The following ROBO2 variants were observed in gnomAD, a reference collection of about 807,000 sequenced individuals.
ROBO2 encodes the protein roundabout guidance receptor 2.
A neutral mutation model predicts 160.8 loss-of-function variants in ROBO2; 53 were observed. The ratio of observed to expected loss-of-function variants is 0.33; its 90% confidence interval spans 0.26 to 0.41. The LOEUF (loss-of-function observed/expected upper bound fraction) is 0.41, where lower values mean the gene tolerates loss of function less well. Among genes scored for constraint, ROBO2 ranks in the 10% least tolerant of loss-of-function variants. The pLI is 1.00. For synonymous variants in ROBO2, 664 were observed against 611.7 expected, an observed-to-expected ratio of 1.09 and a Z score of -1.26; for missense variants, 1,577 against 1,722.4, an observed-to-expected ratio of 0.92 and a Z score of 1.49.
At chr3:77,214,558 T>G (rs2084660205) in intron 2 of ROBO2, among the ~76,000 whole-genome samples, 1 of 152,230 alleles carries the variant, frequency 6.6e-6, no homozygotes, top group Non-Finnish European at 1.5e-5. Context: ...GCCTTTTATT[T>G]GGAGCATTTA....
At chr3:76,452,375 C>G (rs1420511146) in intron 2 of ROBO2, among the ~76,000 whole-genome samples, 1 of 152,026 alleles carries the variant, frequency 6.6e-6, no homozygotes, top group Non-Finnish European at 1.5e-5. Context: ...CTTCCTGTGT[C>G]CATGTGTTCT....
chr3:76,966,064 A>C (rs1364448171), intron 2 of ROBO2, among the ~76,000 whole-genome samples: 2 of 151,468 alleles, frequency 1.3e-5, no homozygotes, highest in African/African-American at 4.9e-5. Flanking sequence ...CTGGGACTAC[A>C]GGCATGTGCC....
intron 2 of ROBO2, among the ~76,000 whole-genome samples, chr3:77,031,925 C>T (rs922258519): frequency 1.3e-5 from 2 of 152,040 alleles, no homozygotes; most frequent in African/African-American, 2.4e-5. Flanking sequence ...GATCAAGGCA[C>T]TAGCAGATTC....
intron 2 of ROBO2, among the ~76,000 whole-genome samples, chr3:76,778,398 T>C (rs540450222): frequency 2.6e-5 from 4 of 151,226 alleles, no homozygotes; most frequent in African/African-American, 9.7e-5. Context: ...GATCAGGGCA[T>C]TAAATTCTAA....
chr3:77,192,406 C>A lies in ROBO2; in HGVS notation c.388+94066C>A, dbSNP rs58125953. ...GTTTTTTATACATATTTCTTAGGAC[C>A]AATTCCTATAGAATAAGTATAACTT... On this transcript the variant is annotated intron_variant, in intron 2 of 25. Transcript: ENST00000461745. Among the ~76,000 whole-genome samples the A allele has an allele frequency of 5.7e-3, 870 of 152,170 alleles. 11 individuals are homozygous for A. The highest frequency in any genetic ancestry group is 0.02 in the African/African-American group (843 of 41,540).
At chr3:75,984,595 T>C (rs962604941) in intron 2 of ROBO2, among the ~76,000 whole-genome samples, 5 of 151,444 alleles carry the variant, frequency 3.3e-5, no homozygotes, top group East Asian at 1.9e-4. Context: ...AATAGCCCAA[T>C]AGGATAATAA....
chr3:76,192,756 T>C (rs1176842365), intron 2 of ROBO2, among the ~76,000 whole-genome samples: 1 of 152,120 alleles, frequency 6.6e-6, no homozygotes, highest in Non-Finnish European at 1.5e-5. Context: ...TTCAATCACA[T>C]TTAAGTTTTT....
intron 2 of ROBO2, among the ~76,000 whole-genome samples, chr3:77,230,359 C>T (rs1250660092): frequency 1.3e-5 from 2 of 152,120 alleles, no homozygotes; most frequent in Non-Finnish European, 2.9e-5. Context: ...GCTGGGATTA[C>T]AGACGTGAGC....
chr3:77,416,027 G>A (rs1485206596), intron 2 of ROBO2, among the ~76,000 whole-genome samples: 1 of 152,178 alleles, frequency 6.6e-6, no homozygotes, highest in Non-Finnish European at 1.5e-5. Flanking sequence ...CTGTTTGGTG[G>A]GTTCCGTGTT....
chr3:76,608,327 A>T (rs1339808214), intron 2 of ROBO2, among the ~76,000 whole-genome samples: 1 of 152,108 alleles, frequency 6.6e-6, no homozygotes, highest in Non-Finnish European at 1.5e-5. Flanking sequence ...GAAGAAAGGG[A>T]CTGTGGAGGA....
At chr3:76,037,841 A>C (rs1576588453) in intron 2 of ROBO2, among the ~76,000 whole-genome samples, 1 of 152,196 alleles carries the variant, frequency 6.6e-6, no homozygotes, top group East Asian at 1.9e-4. Flanking sequence ...TTTTTAAAGA[A>C]GTGCCATTTA....
At chr3:77,183,499 C>A (rs1471358725) in intron 2 of ROBO2, among the ~76,000 whole-genome samples, 1 of 151,952 alleles carries the variant, frequency 6.6e-6, no homozygotes, top group African/African-American at 2.4e-5. Flanking sequence ...AGAACACAAA[C>A]ACACACAGTG....
chr3:76,178,088 A>T (rs2073294611), intron 2 of ROBO2, among the ~76,000 whole-genome samples: 1 of 152,166 alleles, frequency 6.6e-6, no homozygotes, highest in African/African-American at 2.4e-5. Context: ...CCCAAAAAGG[A>T]GATTTGAAGC....
intron 2 of ROBO2, among the ~76,000 whole-genome samples, chr3:75,950,664 G>A (rs1948501189): frequency 2.6e-5 from 4 of 151,938 alleles, no homozygotes; most frequent in Admixed American, 2.6e-4. Context: ...ATTGATTCCA[G>A]TTGGGGTTCA....
chr3:76,536,891 G>GA (rs1254173677), intron 2 of ROBO2, among the ~76,000 whole-genome samples: 8 of 152,140 alleles, frequency 5.3e-5, no homozygotes, highest in Non-Finnish European at 7.4e-5. Flanking sequence ...AAAGGTACAT[G>GA]AATCCTTACT....
chr3:77,462,360 G>A (rs573193408), intron 2 of ROBO2, among the ~76,000 whole-genome samples: 1 of 152,196 alleles, frequency 6.6e-6, no homozygotes, highest in East Asian at 1.9e-4. Flanking sequence ...CTTCTCAATA[G>A]CAAAGTTTGT....
chr3:76,787,328 C>CCACA (rs60806662), intron 2 of ROBO2, among the ~76,000 whole-genome samples: 22,177 of 142,068 alleles, frequency 0.16, 1,807 homozygotes, highest in Non-Finnish European at 0.19. Context: ...TGTAAACACA[C>CCACA]CACACACACA....
Position 76,213,859 on chromosome 3 carries a change from C to T in ROBO2, c.109+276257C>T, listed in dbSNP as rs534647498. ...AATAGCAATGTTGGACCCTATGCCACCTGAATTTATCAAGGTGTTCTAGAA... is the reference window on the plus strand; with the variant it reads ...AATAGCAATGTTGGACCCTATGCCATCTGAATTTATCAAGGTGTTCTAGAA... On this transcript the variant is annotated intron_variant, in intron 2 of 26. Coordinates refer to the ROBO2 transcript ENST00000487694. 3.3e-5 allele frequency among the ~76,000 whole-genome samples: 5 copies of T among 151,944 alleles called. No homozygotes were observed. The East Asian group carries it at 9.7e-4, about 29-fold the overall frequency.
At chr3:76,493,033 C>T (rs1229593145) in intron 2 of ROBO2, among the ~76,000 whole-genome samples, 2 of 151,814 alleles carry the variant, frequency 1.3e-5, no homozygotes, top group African/African-American at 2.4e-5. Flanking sequence ...CTGGAAGAGA[C>T]ATCCGTATTT....
Sources: gnomAD v4.1 joint callset for allele counts (sites outside exome capture counted in the v4.1 genomes callset) on GRCh38, gnomAD v4.1.1 for gene constraint, MANE v1.5 for transcripts, NCBI Gene and HGNC (gene_info 2026-07-23, HGNC 2026-07-21) for gene names.